Variants in SBF2 observed in about 807,000 individuals in gnomAD.
The protein encoded by SBF2 is myotubularin-related protein 13.
Under a neutral mutation model 225.2 loss-of-function variants are expected in SBF2, and 112 were observed. That is an observed-to-expected ratio of 0.50 (90% CI 0.43 to 0.58). SBF2 has a LOEUF of 0.58. Ranked by LOEUF, SBF2 falls within the 20% of genes least tolerant of loss-of-function variation. The pLI is 0.00. For synonymous variants in SBF2, 763 were observed against 773.3 expected (o/e 0.99, Z 0.22); for missense variants, 1,996 against 2,206.2 (o/e 0.90, Z 1.91).
At chr11:9,858,451 A>T (rs1857480023) in intron 17 of SBF2, 55 bp from the exon 18 acceptor site, 3 of 1,557,278 alleles carry the variant, frequency 1.9e-6, no homozygotes. Context: ...ATAACAGTTC[A>T]TAAGGTCACA....
chr11:10,020,210 T>C (rs1168391476), intron 6 of SBF2, among the ~76,000 whole-genome samples: 1 of 151,982 alleles, frequency 6.6e-6, no homozygotes, highest in Non-Finnish European at 1.5e-5. Flanking sequence ...AGGAGTTGGG[T>C]GAGTGAGCTC....
intron 1 of SBF2, among the ~76,000 whole-genome samples, chr11:10,231,970 C>T (rs1389602839): frequency 6.6e-6 from 1 of 152,230 alleles, no homozygotes; most frequent in African/African-American, 2.4e-5. Flanking sequence ...TTCGAGCTTC[C>T]CGGCCGCTTT....
chr11:10,099,312 T>C (rs1342619743), intron 2 of SBF2, among the ~76,000 whole-genome samples: 1 of 152,090 alleles, frequency 6.6e-6, no homozygotes, highest in African/African-American at 2.4e-5. Flanking sequence ...GGATAATATA[T>C]TCAAAGGGCT....
At chr11:10,196,667 C>T (rs553982801) in intron 1 of SBF2, among the ~76,000 whole-genome samples, 12 of 151,838 alleles carry the variant, frequency 7.9e-5, no homozygotes, top group South Asian at 4.2e-4. Context: ...CGTAAGCCAC[C>T]GTACCCAGCC....
At chr11:10,282,156 A>C (rs1327949914) in intron 1 of SBF2, among the ~76,000 whole-genome samples, 1 of 152,126 alleles carries the variant, frequency 6.6e-6, no homozygotes, top group Non-Finnish European at 1.5e-5. Flanking sequence ...CACATTTGAC[A>C]TTTGTTATTT....
chr11:10,241,705 C>T (rs181848032), intron 1 of SBF2, among the ~76,000 whole-genome samples: 3 of 152,044 alleles, frequency 2.0e-5, no homozygotes, highest in East Asian at 3.9e-4. Flanking sequence ...AACAACTTTT[C>T]GAAACTGGCT....
intron 2 of SBF2, among the ~76,000 whole-genome samples, chr11:10,070,978 T>C (rs927621384): frequency 1.3e-5 from 2 of 152,166 alleles, no homozygotes; most frequent in African/African-American, 4.8e-5. Flanking sequence ...TATTGGTGTA[T>C]AGGAATGCTT....
chr11:9,994,577 C>CATATATATATATATATATAT lies in SBF2; in HGVS notation c.976-580_976-579insATATATATATATATATATAT, dbSNP rs377348270. Among the ~76,000 whole-genome samples, 515 of 133,990 alleles carry CATATATATATATATATATAT rather than the reference C, an allele frequency of 3.8e-3. 9 individuals are homozygous for CATATATATATATATATATAT. Among genetic ancestry groups the CATATATATATATATATATAT allele is most frequent in the African/African-American group, 0.014 (469 of 34,596 alleles). The allele number at this position is 133,990 out of a possible 152,430, so 87.9% of individuals were successfully genotyped here. The stretch of plus-strand genomic sequence containing the variant: ...AATAAACCCTAAATCTATATATGTA[C>CATATATATATATATATATAT]ATATATATATATATATGAAAATGAA... On this transcript the variant is annotated intron_variant, in intron 9 of 39. Coordinates refer to ENST00000256190, the MANE Select transcript of SBF2 (RefSeq NM_030962.4).
intron 2 of SBF2, among the ~76,000 whole-genome samples, chr11:10,095,396 T>C (rs993036436): frequency 3.9e-5 from 6 of 152,200 alleles, no homozygotes; most frequent in African/African-American, 1.4e-4. Flanking sequence ...ATGCAAGATA[T>C]CACTTGCACA....
intron 14 of SBF2, among the ~76,000 whole-genome samples, chr11:9,967,967 CTCTCTATA>C (rs1255520347): frequency 6.6e-5 from 6 of 90,674 alleles, no homozygotes; most frequent in Non-Finnish European, 9.8e-5. Flanking sequence ...CTCTCTCTCT[CTCTCTATA>C]TATATATATA....
intron 6 of SBF2, among the ~76,000 whole-genome samples, chr11:10,025,233 T>C (rs1177356819): frequency 6.6e-6 from 1 of 152,180 alleles, no homozygotes; most frequent in African/African-American, 2.4e-5. Context: ...GGATAGACAG[T>C]AGCATCAAGA....
intron 2 of SBF2, among the ~76,000 whole-genome samples, chr11:10,191,068 C>T (rs1957148782): frequency 6.6e-6 from 1 of 152,156 alleles, no homozygotes; most frequent in South Asian, 2.1e-4. Context: ...TACGTGAGTT[C>T]ATCACAATCT....
intron 1 of SBF2, among the ~76,000 whole-genome samples, chr11:10,262,702 A>G (rs752351439): frequency 4.6e-5 from 7 of 152,220 alleles, no homozygotes; most frequent in Non-Finnish European, 8.8e-5. Context: ...ATAGATGTAT[A>G]TGCATACACT....
chr11:9,993,989 G>T lies in SBF2; in HGVS notation c.985C>A (p.Pro329Thr). 8.3e-7 allele frequency: 1 copy of T among 1,209,566 alleles called. No homozygotes were observed. Among genetic ancestry groups the T allele is most frequent in the Non-Finnish European group, 1.2e-6 (1 of 810,766 alleles). The allele number at this position is 1,209,566 out of a possible 1,614,324, so 74.9% of individuals were successfully genotyped here. A position where few individuals can be genotyped will look rare whatever the true frequency, so the allele number is the denominator to read the frequency against. The change falls in exon 10 of 40, where the codon CCA becomes ACA. Residue 329 changes from proline (P) to threonine (T), a missense_variant. Coordinates refer to ENST00000256190, the MANE Select transcript of SBF2 (RefSeq NM_030962.4). Reference sequence around the variant, plus strand: ...GCATGATCTGCTACTTCCAAATCTGGGTGTAAAATCTAAAGCAAAAAAGTT... The same window carrying T: ...GCATGATCTGCTACTTCCAAATCTGTGTGTAAAATCTAAAGCAAAAAAGTT... ...TQSALSLILH[P>T]DLEVADHAFP...
intron 1 of SBF2, among the ~76,000 whole-genome samples, chr11:10,211,872 C>T (rs367958234): frequency 6.6e-6 from 1 of 152,160 alleles, no homozygotes; most frequent in East Asian, 1.9e-4. Flanking sequence ...CTAGCAAGTG[C>T]CTGTTTCTAC....
chr11:10,135,128 T>C (rs1430659511), intron 2 of SBF2, among the ~76,000 whole-genome samples: 2 of 152,194 alleles, frequency 1.3e-5, no homozygotes, highest in East Asian at 1.9e-4. Context: ...CGCGTTGAAG[T>C]TGCCAAGGCT....
At chr11:10,205,082 C>T (rs1055827147) in intron 1 of SBF2, among the ~76,000 whole-genome samples, 6 of 151,758 alleles carry the variant, frequency 4.0e-5, no homozygotes, top group South Asian at 2.1e-4. Flanking sequence ...ATGTAGGTGA[C>T]GGGATGATAG....
At chr11:9,794,829 C>T (rs1182018121) in intron 33 of SBF2, among the ~76,000 whole-genome samples, 1 of 151,306 alleles carries the variant, frequency 6.6e-6, no homozygotes, top group African/African-American at 2.4e-5. Context: ...CATGAGCCAA[C>T]AAAGGTCTGG....
intron 2 of SBF2, among the ~76,000 whole-genome samples, chr11:10,133,829 A>C (rs963679089): frequency 3.9e-5 from 6 of 152,194 alleles, no homozygotes; most frequent in African/African-American, 1.4e-4. Flanking sequence ...GCCGAGAGCA[A>C]GCGAGGGCTC....
Sources: gnomAD v4.1 joint callset for allele counts (sites outside exome capture counted in the v4.1 genomes callset) on GRCh38, gnomAD v4.1.1 for gene constraint, MANE v1.5 for transcripts, NCBI Gene and HGNC (gene_info 2026-07-23, HGNC 2026-07-21) for gene names.